CABLES2: variants seen among roughly 807,000 people sequenced by gnomAD.
The protein encoded by CABLES2 is Cdk5 and Abl enzyme substrate 2.
CABLES2 carries 35 observed loss-of-function variants against 44.8 expected under a neutral mutation model. The ratio of observed to expected loss-of-function variants is 0.78; its 90% confidence interval spans 0.60 to 1.04. CABLES2 has a LOEUF of 1.04. Ranked by LOEUF, CABLES2 falls within the 50% of genes least tolerant of loss-of-function variation. The probability of loss-of-function intolerance (pLI) is 0.00; values close to 1 mark genes in which losing one functional copy is unlikely to be tolerated. For missense variants in CABLES2, 566 were observed against 615.7 expected (o/e 0.92, Z 0.85); for synonymous variants, 282 against 281.1 (o/e 1.00, Z -0.03).
In CABLES2 at chr20:62,388,743, A is replaced by G. The variant is rs376077896; in HGVS notation, c.*2228T>C. The G allele has an allele frequency of 8.0e-5, 42 of 526,074 alleles. No homozygotes were observed. In the East Asian group the frequency reaches 1.3e-3, roughly 16 times the overall value. The allele number at this position is 526,074 out of a possible 1,614,324, so 32.6% of individuals were successfully genotyped here. On this transcript the variant is annotated 3_prime_UTR_variant, in exon 10 of 10. Coordinates refer to ENST00000279101, the MANE Select transcript of CABLES2 (RefSeq NM_031215.3). Reference sequence around the variant, plus strand: ...CTGATACTTGCTTATGCACACTGACATCCACAACTGCTACCGGTGCGGAAG... The same window carrying G: ...CTGATACTTGCTTATGCACACTGACGTCCACAACTGCTACCGGTGCGGAAG...
intron 1 of CABLES2, among the ~76,000 whole-genome samples, chr20:62,406,249 C>A (rs975885494): frequency 1.3e-5 from 2 of 152,126 alleles, no homozygotes; most frequent in East Asian, 3.9e-4. Context: ...GTGACAGTGC[C>A]AGGAGGACCC....
At position 62,397,971 on chromosome 20, in the gene CABLES2, ACAG is replaced by A. The variant is rs1331824950; in HGVS notation, c.363-1382_363-1380del. ...GACGGTAGTGGTGGTGATGGTGGTG[ACAG>A]TGGTGATGGCGGTGGTGGTGATGAT... On this transcript the variant is annotated intron_variant, in intron 1 of 9. Coordinates refer to ENST00000279101, the MANE Select transcript of CABLES2 (RefSeq NM_031215.3). 6.7e-3 allele frequency among the ~76,000 whole-genome samples: 405 copies of A among 60,070 alleles called. 6 individuals carry two copies. The highest frequency in any genetic ancestry group is 0.019 in the African/African-American group (256 of 13,396). The allele number at this position is 60,070 out of a possible 152,430, so 39.4% of individuals were successfully genotyped here. A position where few individuals can be genotyped will look rare whatever the true frequency, so the allele number is the denominator to read the frequency against.
chr20:62,396,703 C>T lies in CABLES2; in HGVS notation c.363-111G>A, dbSNP rs577280710. On this transcript the variant is annotated intron_variant, in intron 1 of 9. Transcript: ENST00000279101. This position sits in a 1 kb window ranked among gnomAD's most constrained non-coding sequence, Gnocchi z 5.7. ...AGGGAAGGGCCACTCTCCAGCCCAG[C>T]GGCGCACCCATGGGCCGAGGGGCTT... The T allele has an allele frequency of 7.9e-5, 91 of 1,156,002 alleles. No individual in the cohort carries two copies. Among genetic ancestry groups the T allele is most frequent in the East Asian group, 2.6e-4 (10 of 39,016 alleles). 71.6% of individuals were successfully genotyped at this position (1,156,002 alleles called of 1,614,324 possible).
chr20:62,406,755 G>A lies in CABLES2; in HGVS notation c.362+160C>T, dbSNP rs376001193. Among the ~76,000 whole-genome samples the A allele has an allele frequency of 2.8e-4, 42 of 149,846 alleles. No homozygotes were observed. Among genetic ancestry groups the A allele is most frequent in the African/African-American group, 1.0e-3 (41 of 40,344 alleles). On this transcript the variant is annotated intron_variant, in intron 1 of 9. Transcript: ENST00000279101. The stretch of plus-strand genomic sequence containing the variant: ...AGGTGAACCCAACCCCTTTGTCCTG[G>A]CCTCTGTCCAGGGCTGACAAGGCCC...
chr20:62,398,056 C>G (rs796749004), intron 1 of CABLES2, among the ~76,000 whole-genome samples: 1 of 51,104 alleles, frequency 2.0e-5, no homozygotes, highest in Non-Finnish European at 4.2e-5. Context: ...GTGGTGATGG[C>G]GATGGTGGTG....
chr20:62,392,563 C>T (rs1010460062), intron 7 of CABLES2, 68 bp from the exon 8 acceptor site: 1 of 1,134,692 alleles, frequency 8.8e-7, no homozygotes, highest in Non-Finnish European at 1.3e-6. Context: ...CTGCTGGGTA[C>T]GATGGATTTC....
chr20:62,400,585 G>T (rs565504307), intron 1 of CABLES2, among the ~76,000 whole-genome samples: 1 of 152,358 alleles, frequency 6.6e-6, no homozygotes, highest in South Asian at 2.1e-4. Context: ...GGACCAGCCT[G>T]TGTGTCTTTC....
chr20:62,398,970 GGA>G (rs1459366101), intron 1 of CABLES2, among the ~76,000 whole-genome samples: 2 of 152,186 alleles, frequency 1.3e-5, no homozygotes, highest in Non-Finnish European at 2.9e-5. Flanking sequence ...TTTTTGAGAT[GGA>G]GTCTCTCTCT....
intron 5 of CABLES2, among the ~76,000 whole-genome samples, chr20:62,393,860 GACC>G (rs1401886174): frequency 6.6e-6 from 1 of 152,186 alleles, no homozygotes. Context: ...GAAGACTGCT[GACC>G]ACCAGCACAG....
In CABLES2 at chr20:62,395,022, G is replaced by A. The variant is rs375897717; in HGVS notation, c.528-8C>T. The A allele has an allele frequency of 6.2e-7, 1 of 1,612,266 alleles. No homozygotes were observed. The highest frequency in any genetic ancestry group is 1.3e-5 in the African/African-American group (1 of 74,928). ...GCACAGATGAGCACGATCCTGCAGG[G>A]GGACGGAGTCAGGGGAGACGGGGCC... On this transcript the variant is annotated splice_region_variant and splice_polypyrimidine_tract_variant and intron_variant, in intron 3 of 9. Coordinates refer to ENST00000279101, the MANE Select transcript of CABLES2 (RefSeq NM_031215.3).
At chr20:62,397,966 TGG>T (rs1988061111) in intron 1 of CABLES2, among the ~76,000 whole-genome samples, 1 of 115,228 alleles carries the variant, frequency 8.7e-6, no homozygotes, top group Admixed American at 8.6e-5. Context: ...GTGGTGATGG[TGG>T]TGACAGTGGT....
At position 62,406,955 on chromosome 20, in the gene CABLES2, G is replaced by A; in HGVS notation, c.322C>T (p.Gln108Ter). ...PAPQGLLSPT[Q>*]VPTGLGLDGQ... Reference sequence around the variant, plus strand: ...TCCAGGCCGAGGCCGGTGGGCACCTGCGTGGGGCTGAGCAGGCCCTGGGGC... The same window carrying A: ...TCCAGGCCGAGGCCGGTGGGCACCTACGTGGGGCTGAGCAGGCCCTGGGGC... Residue 108 changes from glutamine (Q) to a stop codon, truncating the protein, a stop_gained, in exon 1 of 10, where the codon CAG (glutamine) becomes TAG (stop). Transcript: ENST00000279101. LOFTEE classifies it high-confidence loss of function. The A allele has an allele frequency of 8.2e-7, 1 of 1,215,630 alleles. No individual in the cohort carries two copies. The highest frequency in any genetic ancestry group is 1.0e-6 in the Non-Finnish European group (1 of 977,190). 75.3% of individuals were successfully genotyped at this position (1,215,630 alleles called of 1,614,324 possible).
Position 62,396,242 on chromosome 20 carries a change from G to A in CABLES2, c.527+73C>T. The A allele has an allele frequency of 1.6e-6, 2 of 1,286,726 alleles. No homozygotes were observed. Among genetic ancestry groups the A allele is most frequent in the South Asian group, 1.2e-5 (1 of 84,338 alleles). The allele number at this position is 1,286,726 out of a possible 1,614,324, so 79.7% of individuals were successfully genotyped here. A position where few individuals can be genotyped will look rare whatever the true frequency, so the allele number is the denominator to read the frequency against. ...TTTGGGAGTGGAGGGAAGATTGCTT[G>A]GCTGACAGGGGCAGGACCCCGTGGG... On this transcript the variant is annotated intron_variant, in intron 3 of 9. Transcript: ENST00000279101. This position sits in a 1 kb window ranked among gnomAD's most constrained non-coding sequence, Gnocchi z 5.7.
intron 1 of CABLES2, among the ~76,000 whole-genome samples, chr20:62,401,241 C>T (rs1285387224): frequency 2.0e-5 from 3 of 152,230 alleles, no homozygotes; most frequent in Non-Finnish European, 4.4e-5. Flanking sequence ...GAAGGAGGTG[C>T]CTGCACATGG....
At chr20:62,397,476 T>C (rs1988040774) in intron 1 of CABLES2, among the ~76,000 whole-genome samples, 2 of 152,210 alleles carry the variant, frequency 1.3e-5, no homozygotes, top group African/African-American at 2.4e-5. Context: ...GCTGAATGAC[T>C]GTACAACGCA....
At position 62,391,312 on chromosome 20, in the gene CABLES2, G is replaced by C; in HGVS notation, c.1233C>G (p.Cys411Trp). 6.2e-7 allele frequency: 1 copy of C among 1,613,084 alleles called. No individual in the cohort carries two copies. Among genetic ancestry groups the C allele is most frequent in the Non-Finnish European group, 8.5e-7 (1 of 1,179,998 alleles). ...KQNRKLCAGA[C>W]VLLAAKISSD... Reference sequence around the variant, plus strand: ...TGCTGATCTTGGCAGCCAGCAGCACGCAGGCGCCAGCGCACAGCTTGCGGT... The same window carrying C: ...TGCTGATCTTGGCAGCCAGCAGCACCCAGGCGCCAGCGCACAGCTTGCGGT... The change falls in exon 9 of 10, where the codon TGC becomes TGG. Residue 411 changes from cysteine (C) to tryptophan (W), a missense_variant. This residue lies in a region of CABLES2 where 436 missense variants were observed against 536.3 expected (regional missense o/e 0.81). Transcript: ENST00000279101. The surrounding 1 kb of genome is among the most constrained non-coding windows in gnomAD (Gnocchi z 5.7).
rs1444963161 is a variant in CABLES2 at position 62,389,229 on chromosome 20, T to C, written c.*1742A>G. ...GAAAGCTGCCTGGGACCCAGCATGG[T>C]GGAGCAGCTTTGAAGCTGAGTCCCC... On this transcript the variant is annotated 3_prime_UTR_variant, in exon 10 of 10. Coordinates refer to ENST00000279101, the MANE Select transcript of CABLES2 (RefSeq NM_031215.3). 1 of 152,384 alleles carries C rather than the reference T, an allele frequency of 6.6e-6. No individual in the cohort carries two copies. Among genetic ancestry groups the C allele is most frequent in the African/African-American group, 2.4e-5 (1 of 41,414 alleles). The allele number at this position is 152,384 out of a possible 1,614,324, so 9.4% of individuals were successfully genotyped here. A position where few individuals can be genotyped will look rare whatever the true frequency, so the allele number is the denominator to read the frequency against.
chr20:62,393,407 T>A, intron 6 of CABLES2, 33 bp downstream of exon 6: 1 of 1,557,808 alleles, frequency 6.4e-7, no homozygotes, highest in East Asian at 2.3e-5. Context: ...CGGGTCACCC[T>A]GTTCCAGGCC....
In CABLES2 at chr20:62,397,316, C is replaced by T. The variant is rs149858655; in HGVS notation, c.363-724G>A. Among the ~76,000 whole-genome samples the T allele has an allele frequency of 2.7e-3, 414 of 152,296 alleles. 4 individuals are homozygous for T. Among genetic ancestry groups the T allele is most frequent in the African/African-American group, 9.6e-3 (397 of 41,560 alleles). ...CATCCCTGCCTCACCACCCACCTGC[C>T]GTCTGCCTCCCCTTCCAGAGTGCCG... On this transcript the variant is annotated intron_variant, in intron 1 of 9. Coordinates refer to ENST00000279101, the MANE Select transcript of CABLES2 (RefSeq NM_031215.3).
Sources: gnomAD v4.1 joint callset for allele counts (sites outside exome capture counted in the v4.1 genomes callset) on GRCh38, gnomAD v4.1.1 for gene constraint, gnomAD v4.1.1 regional missense constraint, Gnocchi (gnomAD v3.1) non-coding constraint, MANE v1.5 for transcripts, NCBI Gene and HGNC (gene_info 2026-07-23, HGNC 2026-07-21) for gene names.